B4GALNT3: variants seen among roughly 807,000 people sequenced by gnomAD.
The protein encoded by B4GALNT3 is beta-1,4-N-acetylgalactosaminyltransferase 3.
A neutral mutation model predicts 120.2 loss-of-function variants in B4GALNT3; 86 were observed. That is an observed-to-expected ratio of 0.72 (90% CI 0.60 to 0.86). The LOEUF is 0.86. Ranked by LOEUF, B4GALNT3 falls within the 40% of genes least tolerant of loss-of-function variation. The pLI is 0.00. For synonymous variants in B4GALNT3, 518 were observed against 510.4 expected (o/e 1.01, Z -0.20); for missense variants, 1,167 against 1,298.9 (o/e 0.90, Z 1.56).
At position 558,510 on chromosome 12, in the gene B4GALNT3, C is replaced by T. The variant is rs1429539318; in HGVS notation, c.2610C>T (p.Asp870=). 1 of 1,613,972 alleles carries T rather than the reference C, an allele frequency of 6.2e-7. No individual in the cohort carries two copies. The highest frequency in any genetic ancestry group is 8.5e-7 in the Non-Finnish European group (1 of 1,179,900). Residue 870 remains aspartate (D), a splice_region_variant and synonymous_variant, in exon 18 of 20, where the codon GAC becomes GAT. Transcript: ENST00000266383. ...ACCCTGCCCACATCTGTCCCCAGGA[C>T]CCGCACAGCATCATCTTCCTCTGTG... ...GLQAGIDLVK[D]PHSIIFLCDL...
At position 521,097 on chromosome 12, in the gene B4GALNT3, G is replaced by C. The variant is rs112177346; in HGVS notation, c.170-14069G>C. Among the ~76,000 whole-genome samples, 1,089 of 152,268 alleles carry C rather than the reference G, an allele frequency of 7.2e-3. 12 individuals carry two copies. Among genetic ancestry groups the C allele is most frequent in the African/African-American group, 0.023 (975 of 41,524 alleles). On this transcript the variant is annotated intron_variant, in intron 1 of 19. Transcript: ENST00000266383. ...ACCCCCGGTTCAGGAAGAACAGTCA[G>C]TTATTCAGAGTTAAGCTGTTTTCAC...
intron 1 of B4GALNT3, among the ~76,000 whole-genome samples, chr12:527,281 A>T (rs1946766424): frequency 6.6e-6 from 1 of 152,166 alleles, no homozygotes; most frequent in Admixed American, 6.5e-5. Context: ...TTGGGTGAGG[A>T]GGAAGCACTG....
At chr12:504,312 C>CAA (rs201713327) in intron 1 of B4GALNT3, among the ~76,000 whole-genome samples, 18,063 of 111,336 alleles carry the variant, frequency 0.16, 1,770 homozygotes, top group South Asian at 0.31. Context: ...CACAATTTTT[C>CAA]AAAAAAAAAA....
At position 561,445 on chromosome 12, in the gene B4GALNT3, G is replaced by T. The variant is rs191163323; in HGVS notation, c.2991G>T (p.Thr997=). The change falls in exon 20 of 20, where the codon ACG becomes ACT. Residue 997 remains threonine (T), a synonymous_variant. Transcript: ENST00000266383. ...RGMWSRRQMK[T]L ...TGTGGAGCCGTCGCCAGATGAAGAC[G>T]CTGTAGCCGGAGGGTGTCCGCGGGG... is the stretch of plus-strand genomic sequence containing the variant. 4 of 1,611,534 alleles carry T rather than the reference G, an allele frequency of 2.5e-6. No individual in the cohort carries two copies. The East Asian group carries it at 6.7e-5, about 27-fold the overall frequency.
chr12:557,764 G>A lies in B4GALNT3; in HGVS notation c.2534+3G>A. ...CTGAAGAGGTCCAAGCTGCGGAGGT[G>A]AGGGGGACCACCAGCCAGGGGGTGG... is the stretch of plus-strand genomic sequence containing the variant. On this transcript the variant is annotated splice_donor_region_variant and intron_variant, in intron 16 of 19. Transcript: ENST00000266383. The A allele has an allele frequency of 6.3e-7, 1 of 1,599,518 alleles. No homozygotes were observed. The highest frequency in any genetic ancestry group is 8.5e-7 in the Non-Finnish European group (1 of 1,175,622).
rs112140755 is a variant in B4GALNT3 at position 489,305 on chromosome 12, C to G, written c.169+28760C>G. 2.6e-3 allele frequency among the ~76,000 whole-genome samples: 391 copies of G among 147,958 alleles called. 3 individuals are homozygous for G. The highest frequency in any genetic ancestry group is 2.2e-3 in the Non-Finnish European group (149 of 67,462). ...TACCTGTGGAACAAATCTGCATGTT[C>G]TGCACATGTATCCCAGAACTTAAAA... On this transcript the variant is annotated intron_variant, in intron 1 of 19. Coordinates refer to ENST00000266383, the MANE Select transcript of B4GALNT3 (RefSeq NM_173593.4).
chr12:478,568 T>G (rs753677295), intron 1 of B4GALNT3, among the ~76,000 whole-genome samples: 6 of 152,192 alleles, frequency 3.9e-5, no homozygotes, highest in Non-Finnish European at 7.3e-5. Flanking sequence ...GAAGTTCAGT[T>G]TCTGGGATAT....
At chr12:490,472 C>T (rs916690386) in intron 1 of B4GALNT3, among the ~76,000 whole-genome samples, 1 of 152,114 alleles carries the variant, frequency 6.6e-6, no homozygotes, top group Non-Finnish European at 1.5e-5. Context: ...TATGGTGACT[C>T]ACATATGTAA....
At chr12:473,683 G>A (rs1946157983) in intron 1 of B4GALNT3, among the ~76,000 whole-genome samples, 1 of 152,138 alleles carries the variant, frequency 6.6e-6, no homozygotes, top group East Asian at 1.9e-4. Flanking sequence ...CAAAGGGTGG[G>A]GAGGCAGACA....
At chr12:546,880 C>G (rs965461527) in intron 7 of B4GALNT3, 167 bp downstream of exon 7, 1 of 644,530 alleles carries the variant, frequency 1.6e-6, no homozygotes, top group Non-Finnish European at 2.7e-6. Context: ...GCCCATCCGT[C>G]CTCGTTTCAC....
rs1348888472 is a variant in B4GALNT3, at chr12:511,753, T to TTCTG, written c.170-23410_170-23409insGTCT. 5.0e-5 allele frequency among the ~76,000 whole-genome samples: 5 copies of TTCTG among 100,758 alleles called. 2 individuals are homozygous for TTCTG. Among genetic ancestry groups the TTCTG allele is most frequent in the African/African-American group, 2.3e-4 (5 of 22,188 alleles). 66.1% of individuals were successfully genotyped at this position (100,758 alleles called of 152,430 possible). ...TTCCTTCCACCTTCCACCTTCCACC[T>TTCTG]TCTTCCACCTTCCACCTTCCACCTT... On this transcript the variant is annotated intron_variant, in intron 1 of 19. Coordinates refer to ENST00000266383, the MANE Select transcript of B4GALNT3 (RefSeq NM_173593.4).
At position 552,071 on chromosome 12, in the gene B4GALNT3, G is replaced by A. The variant is rs753724873; in HGVS notation, c.1116G>A (p.Leu372=). The A allele has an allele frequency of 1.2e-6, 2 of 1,606,258 alleles. No homozygotes were observed. Among genetic ancestry groups the A allele is most frequent in the South Asian group, 2.2e-5 (2 of 90,910 alleles). ...QRYQGLRFVH[L]SFVYPNDYTR... ...GATTTTTCCACTTCCAGGTTCATCTGTCTTTTGTTTACCCCAATGACTATA... is the reference window on the plus strand; with the variant it reads ...GATTTTTCCACTTCCAGGTTCATCTATCTTTTGTTTACCCCAATGACTATA... Residue 372 remains leucine (L), a synonymous_variant, in exon 12 of 20, where the codon CTG becomes CTA. Transcript: ENST00000266383.
At chr12:489,007 C>T (rs1592019055) in intron 1 of B4GALNT3, among the ~76,000 whole-genome samples, 1 of 151,764 alleles carries the variant, frequency 6.6e-6, no homozygotes, top group African/African-American at 2.4e-5. Context: ...GGGTTCATGT[C>T]CTTTGCAGGG....
chr12:482,826 A>C (rs558948723), intron 1 of B4GALNT3, among the ~76,000 whole-genome samples: 3 of 152,290 alleles, frequency 2.0e-5, no homozygotes, highest in African/African-American at 7.2e-5. Flanking sequence ...GAGCCTGTGA[A>C]TTGCAACCAC....
intron 18 of B4GALNT3, 142 bp downstream of exon 18, chr12:558,803 G>A (rs1037259406): frequency 5.0e-5 from 46 of 910,998 alleles, no homozygotes; most frequent in Middle Eastern, 3.0e-4. Flanking sequence ...TTCACTCCCC[G>A]GAAAACTCAC....
At chr12:558,693 A>G (rs770882702) in intron 18 of B4GALNT3, 32 bp downstream of exon 18, 2 of 1,608,450 alleles carry the variant, frequency 1.2e-6, no homozygotes, top group African/African-American at 1.3e-5. Flanking sequence ...GAGGGAGGAA[A>G]GACTTCTCTG....
intron 1 of B4GALNT3, among the ~76,000 whole-genome samples, chr12:474,110 C>T (rs1207217081): frequency 6.6e-6 from 1 of 152,174 alleles, no homozygotes; most frequent in Non-Finnish European, 1.5e-5. Flanking sequence ...CTTCCTAATC[C>T]ATTGTCCTGA....
rs562243079 is a variant in B4GALNT3 at position 497,469 on chromosome 12, A to G, written c.169+36924A>G. Among the ~76,000 whole-genome samples, 4 of 152,340 alleles carry G rather than the reference A, an allele frequency of 2.6e-5. No individual in the cohort carries two copies. In the East Asian group the frequency reaches 7.7e-4, roughly 29 times the overall value. ...CTTCATTTATTTTTAAGGCTGAATC[A>G]TATTCCATTGTATGGATATGCCACG... On this transcript the variant is annotated intron_variant, in intron 1 of 19. Coordinates refer to ENST00000266383, the MANE Select transcript of B4GALNT3 (RefSeq NM_173593.4).
rs1410658821 is a variant in B4GALNT3 at position 562,567 on chromosome 12, T to G, written c.*1116T>G. The G allele has an allele frequency of 7.1e-6, 1 of 140,134 alleles. No homozygotes were observed. Among genetic ancestry groups the G allele is most frequent in the African/African-American group, 2.8e-5 (1 of 36,284 alleles). The allele number at this position is 140,134 out of a possible 1,614,324, so 8.7% of individuals were successfully genotyped here. A position where few individuals can be genotyped will look rare whatever the true frequency, so the allele number is the denominator to read the frequency against. ...GGGCGGGATGAGAGGTTTGGGGAGG[T>G]GAGGACATTGCCCTGAGATATCCCC... On this transcript the variant is annotated 3_prime_UTR_variant, in exon 20 of 20. Transcript: ENST00000266383. The surrounding 1 kb of genome is among the most constrained non-coding windows in gnomAD (Gnocchi z 5.2).
Sources: allele counts gnomAD v4.1 joint callset (sites outside exome capture counted in the v4.1 genomes callset), GRCh38; gene constraint gnomAD v4.1.1; non-coding constraint Gnocchi (gnomAD v3.1); transcripts MANE v1.5; gene names NCBI Gene and HGNC (gene_info 2026-07-23, HGNC 2026-07-21).